PTPRE: variants seen among roughly 807,000 people sequenced by gnomAD.
PTPRE encodes protein tyrosine phosphatase receptor type E.
A neutral mutation model predicts 102.0 loss-of-function variants in PTPRE; 51 were observed. That is an observed-to-expected ratio of 0.50 (90% CI 0.40 to 0.63). The LOEUF is 0.63. Among genes scored for constraint, PTPRE ranks in the 30% least tolerant of loss-of-function variants. The probability of loss-of-function intolerance (pLI) is 0.00; values close to 1 mark genes in which losing one functional copy is unlikely to be tolerated. For synonymous variants in PTPRE, 345 were observed against 348.2 expected (o/e 0.99, Z 0.10); for missense variants, 752 against 915.1 (o/e 0.82, Z 2.30).
chr10:128,071,956 A>G, intron 15 of PTPRE, 182 bp from the exon 16 acceptor site: 1 of 552,442 alleles, frequency 1.8e-6, no homozygotes, highest in South Asian at 2.6e-5. Context: ...TTTTCCTTCA[A>G]AAAGAAAAAT....
intron 2 of PTPRE, among the ~76,000 whole-genome samples, chr10:128,019,988 T>C (rs1468551501): frequency 1.3e-5 from 2 of 151,634 alleles, no homozygotes; most frequent in Non-Finnish European, 3.0e-5. Flanking sequence ...ATGTGTTCCT[T>C]GGACTCCTCA....
At chr10:128,061,166 A>G (rs1288975586) in intron 8 of PTPRE, 151 bp downstream of exon 8, 5 of 650,998 alleles carry the variant, frequency 7.7e-6, no homozygotes, top group Non-Finnish European at 1.3e-5. Context: ...CGTGCTTTAC[A>G]CACTGGCATC....
intron 1 of PTPRE, among the ~76,000 whole-genome samples, chr10:127,967,935 A>G (rs531842779): frequency 2.0e-5 from 3 of 152,114 alleles, no homozygotes; most frequent in Admixed American, 6.5e-5. Context: ...AATACCTACT[A>G]TGTGCAAGGC....
intron 1 of PTPRE, among the ~76,000 whole-genome samples, chr10:127,949,480 G>A (rs1411398135): frequency 6.6e-6 from 1 of 152,146 alleles, no homozygotes; most frequent in Non-Finnish European, 1.5e-5. Flanking sequence ...GATAGATCAC[G>A]TGCTTACTGT....
chr10:127,931,469 C>T (rs115128770), intron 1 of PTPRE, among the ~76,000 whole-genome samples: 1 of 152,222 alleles, frequency 6.6e-6, no homozygotes, highest in African/African-American at 2.4e-5. Context: ...AAGTCCGCCT[C>T]AAGGCAGAAG....
At chr10:127,973,135 GT>G (rs1221100140) in intron 1 of PTPRE, among the ~76,000 whole-genome samples, 1 of 152,152 alleles carries the variant, frequency 6.6e-6, no homozygotes, top group Non-Finnish European at 1.5e-5. Flanking sequence ...CTATAATGCT[GT>G]TTTTGTTTCT....
chr10:127,920,509 T>C (rs1405140709), intron 1 of PTPRE, among the ~76,000 whole-genome samples: 1 of 152,178 alleles, frequency 6.6e-6, no homozygotes, highest in Non-Finnish European at 1.5e-5. Context: ...CCAACCCCCA[T>C]GGCTGACTCA....
chr10:127,976,478 G>C (rs1851188547), intron 1 of PTPRE, among the ~76,000 whole-genome samples: 2 of 152,162 alleles, frequency 1.3e-5, no homozygotes, highest in Non-Finnish European at 1.5e-5. Context: ...GAGTTTGAGA[G>C]GCAGGCAGGG....
chr10:128,010,842 C>T (rs1425844029), intron 2 of PTPRE, among the ~76,000 whole-genome samples: 12 of 152,162 alleles, frequency 7.9e-5, no homozygotes, highest in Admixed American at 7.2e-4. Context: ...CCACCTGCCT[C>T]GGCCTCCCAA....
intron 1 of PTPRE, chr10:127,934,411 CAGTA>C (rs1032125681): frequency 5.3e-5 from 8 of 152,330 alleles, no homozygotes; most frequent in African/African-American, 1.9e-4. Flanking sequence ...ATCTGCCTTT[CAGTA>C]AGTAAGACGC....
chr10:128,053,772 A>T (rs537562390), intron 6 of PTPRE, among the ~76,000 whole-genome samples: 9 of 151,828 alleles, frequency 5.9e-5, no homozygotes, highest in Non-Finnish European at 1.3e-4. Flanking sequence ...TTATTTATTT[A>T]TTTTTTGAGA....
Position 127,974,898 on chromosome 10 carries a change from A to G in PTPRE, c.-30-7376A>G, listed in dbSNP as rs992127564. 5.4e-5 allele frequency among the ~76,000 whole-genome samples: 8 copies of G among 147,302 alleles called. 1 individual carries two copies. The highest frequency in any genetic ancestry group is 1.2e-4 in the Non-Finnish European group (8 of 65,300). On this transcript the variant is annotated intron_variant, in intron 1 of 20. Coordinates refer to ENST00000254667, the MANE Select transcript of PTPRE (RefSeq NM_006504.6). Reference sequence around the variant, plus strand: ...AATGTGGATCATACCTCCCCACCTCATAGGGCAGCTGAAATGGCAGCAAAT... The same window carrying G: ...AATGTGGATCATACCTCCCCACCTCGTAGGGCAGCTGAAATGGCAGCAAAT...
At chr10:128,034,516 C>T (rs1392712388) in intron 2 of PTPRE, among the ~76,000 whole-genome samples, 1 of 118,482 alleles carries the variant, frequency 8.4e-6, no homozygotes, top group Non-Finnish European at 2.0e-5. Flanking sequence ...ATAGTGAGAC[C>T]CCCCCCATCT....
intron 2 of PTPRE, among the ~76,000 whole-genome samples, chr10:128,017,106 C>G (rs1451527698): frequency 2.6e-5 from 4 of 152,094 alleles, no homozygotes; most frequent in Non-Finnish European, 4.4e-5. Context: ...TGGGAGGAGA[C>G]AGCCCAGCAT....
intron 12 of PTPRE, 79 bp downstream of exon 12, chr10:128,068,365 G>T: frequency 6.7e-7 from 1 of 1,488,434 alleles, no homozygotes; most frequent in South Asian, 1.3e-5. Context: ...GCAATGCCAG[G>T]GGACCAATAT....
chr10:128,073,947 T>C (rs80125972), intron 17 of PTPRE, among the ~76,000 whole-genome samples: 2,390 of 152,370 alleles, frequency 0.016, 88 homozygotes, highest in East Asian at 0.14. Context: ...CTATAATTCA[T>C]GCAATTCATC....
At chr10:128,072,384 G>A in intron 16 of PTPRE, 170 bp downstream of exon 16, 1 of 607,264 alleles carries the variant, frequency 1.6e-6, no homozygotes. Context: ...AAGGCACGAT[G>A]GCTCACACCT....
intron 1 of PTPRE, among the ~76,000 whole-genome samples, chr10:127,970,375 C>T (rs1850634659): frequency 6.6e-6 from 1 of 152,096 alleles, no homozygotes; most frequent in African/African-American, 2.4e-5. Context: ...TTGCAGAATT[C>T]GTTGGAATCA....
chr10:128,069,570 T>C, intron 12 of PTPRE, 122 bp from the exon 13 acceptor site: 2 of 1,371,932 alleles, frequency 1.5e-6, no homozygotes, highest in Non-Finnish European at 2.0e-6. Context: ...GCTTTGCTCC[T>C]AATTAACCAA....
Sources: gnomAD v4.1 joint callset for allele counts (sites outside exome capture counted in the v4.1 genomes callset) on GRCh38, gnomAD v4.1.1 for gene constraint, MANE v1.5 for transcripts, NCBI Gene and HGNC (gene_info 2026-07-23, HGNC 2026-07-21) for gene names.